QTMAN: variants seen among roughly 807,000 people sequenced by gnomAD.
The protein encoded by QTMAN is tRNA-queuosine alpha-mannosyltransferase.
At chr2:144,308,450 C>T in the QTMAN span, among the ~76,000 whole-genome samples, 1 of 152,032 alleles carries the variant, frequency 6.6e-6, no homozygotes, top group African/African-American at 2.4e-5. Context: ...CAGGCGTGAG[C>T]CACCATGCCT....
chr2:144,090,353 G>T, the QTMAN span, among the ~76,000 whole-genome samples: 1 of 152,014 alleles, frequency 6.6e-6, no homozygotes, highest in East Asian at 1.9e-4. Context: ...TGATACTAGA[G>T]GAATTACCCC....
At chr2:143,944,096 G>T in the QTMAN span, 1 of 152,168 alleles carries the variant, frequency 6.6e-6, no homozygotes, top group Non-Finnish European at 1.5e-5. Context: ...AAATGATGGG[G>T]GTGGTTGATA....
chr2:144,024,790 C>A, the QTMAN span, among the ~76,000 whole-genome samples: 1 of 152,156 alleles, frequency 6.6e-6, no homozygotes, highest in Non-Finnish European at 1.5e-5. Context: ...CTACATAGAA[C>A]ACTCCTTTGA....
chr2:144,328,647 G>C, the QTMAN span, among the ~76,000 whole-genome samples: 1 of 152,174 alleles, frequency 6.6e-6, no homozygotes, highest in Admixed American at 6.5e-5. Flanking sequence ...GCAGTGAGTA[G>C]GCCAGGCAGA....
chr2:144,185,052 G>C, the QTMAN span, among the ~76,000 whole-genome samples: 3,514 of 151,996 alleles, frequency 0.023, 136 homozygotes, highest in African/African-American at 0.08. Flanking sequence ...CAAATGATAC[G>C]GTATGTGAGA....
the QTMAN span, among the ~76,000 whole-genome samples, chr2:144,022,560 CTTTT>C: frequency 1.2e-4 from 13 of 104,258 alleles, no homozygotes; most frequent in East Asian, 2.7e-3. Context: ...CTCTCTCTCT[CTTTT>C]TTTTTTTTTT....
the QTMAN span, among the ~76,000 whole-genome samples, chr2:144,297,066 C>T: frequency 2.0e-5 from 3 of 152,108 alleles, no homozygotes; most frequent in African/African-American, 7.2e-5. Context: ...GAATGCATTA[C>T]GTGATTTACT....
chr2:144,206,507 G>A, the QTMAN span, among the ~76,000 whole-genome samples: 5 of 152,154 alleles, frequency 3.3e-5, no homozygotes, highest in African/African-American at 4.8e-5. Flanking sequence ...AGTTATCATT[G>A]CTCAAATATA....
chr2:144,002,906 C>T, the QTMAN span, among the ~76,000 whole-genome samples: 37 of 152,074 alleles, frequency 2.4e-4, no homozygotes, highest in East Asian at 6.6e-3. Context: ...TCATAAACTT[C>T]TACCAAAAGA....
At chr2:144,105,218 G>A in the QTMAN span, among the ~76,000 whole-genome samples, 5 of 152,306 alleles carry the variant, frequency 3.3e-5, no homozygotes, top group East Asian at 3.9e-4. Context: ...CCAAAGGAAC[G>A]CAGCTCCTCG....
the QTMAN span, among the ~76,000 whole-genome samples, chr2:144,136,540 A>G: frequency 6.6e-6 from 1 of 152,116 alleles, no homozygotes; most frequent in Non-Finnish European, 1.5e-5. Flanking sequence ...TTTGGATTTC[A>G]TAAGACTGAG....
chr2:144,283,943 G>A, the QTMAN span, among the ~76,000 whole-genome samples: 1 of 151,890 alleles, frequency 6.6e-6, no homozygotes, highest in Non-Finnish European at 1.5e-5. Context: ...CAAACCTGGA[G>A]AAAATATATG....
the QTMAN span, among the ~76,000 whole-genome samples, chr2:144,119,503 C>T: frequency 6.6e-6 from 1 of 152,160 alleles, no homozygotes. Flanking sequence ...TCTGGTGTAC[C>T]TCATACAGAT....
the QTMAN span, among the ~76,000 whole-genome samples, chr2:144,212,307 A>G: frequency 1.3e-5 from 2 of 152,142 alleles, no homozygotes; most frequent in Non-Finnish European, 1.5e-5. Flanking sequence ...TATGAAAAAT[A>G]CAAAATTAGC....
chr2:144,029,215 T>C, the QTMAN span, among the ~76,000 whole-genome samples: 1 of 152,234 alleles, frequency 6.6e-6, no homozygotes, highest in Non-Finnish European at 1.5e-5. Context: ...ACACTGAGAC[T>C]AACTTCCCCA....
chr2:144,102,266 C>G, the QTMAN span, among the ~76,000 whole-genome samples: 1 of 152,134 alleles, frequency 6.6e-6, no homozygotes, highest in Non-Finnish European at 1.5e-5. Context: ...ATCTACCTAC[C>G]CATCTTCGTT....
chr2:144,218,882 A>T, the QTMAN span, among the ~76,000 whole-genome samples: 5 of 149,782 alleles, frequency 3.3e-5, no homozygotes, highest in Non-Finnish European at 7.4e-5. Flanking sequence ...TAATCTCACA[A>T]TTCAATTTGA....
At chr2:144,249,760 C>T in the QTMAN span, among the ~76,000 whole-genome samples, 3 of 152,090 alleles carry the variant, frequency 2.0e-5, no homozygotes, top group Non-Finnish European at 4.4e-5. Flanking sequence ...GAGTGGACAA[C>T]GCAGAAAACT....
the QTMAN span, among the ~76,000 whole-genome samples, chr2:144,051,209 T>G: frequency 5.8e-3 from 867 of 150,424 alleles, 3 homozygotes; most frequent in South Asian, 7.8e-3. Context: ...GTTTTTGGGG[T>G]GTGTGTGTGT....
Sources: allele counts gnomAD v4.1 joint callset (sites outside exome capture counted in the v4.1 genomes callset), GRCh38; gene constraint gnomAD v4.1.1; transcripts MANE v1.5; gene names NCBI Gene and HGNC (gene_info 2026-07-23, HGNC 2026-07-21).